PRAG1: variants seen among roughly 807,000 people sequenced by gnomAD.
PRAG1 encodes the protein PEAK1 related, kinase-activating pseudokinase 1, also known as inactive tyrosine-protein kinase PRAG1.
Under a neutral mutation model 95.6 loss-of-function variants are expected in PRAG1, and 110 were observed. The observed-to-expected ratio is 1.15, with a 90% confidence interval of 0.99 to 1.35. The LOEUF is 1.35. Among genes scored for constraint, PRAG1 ranks in the 40% most tolerant of loss-of-function variants. The probability of loss-of-function intolerance (pLI) is 0.00; values close to 1 mark genes in which losing one functional copy is unlikely to be tolerated. For missense variants in PRAG1, 2,554 were observed against 1,864.7 expected, an observed-to-expected ratio of 1.37 and a Z score of -6.81; for synonymous variants, 1,052 against 819.4, an observed-to-expected ratio of 1.28 and a Z score of -4.85.
chr8:8,329,652 G>A (rs1472344248), intron 4 of PRAG1, among the ~76,000 whole-genome samples: 1 of 152,158 alleles, frequency 6.6e-6, no homozygotes, highest in Non-Finnish European at 1.5e-5. Flanking sequence ...ACATTTCTAG[G>A]GCTGCTCCTG....
At chr8:8,326,279 G>A (rs1313377637) in intron 5 of PRAG1, among the ~76,000 whole-genome samples, 1 of 148,656 alleles carries the variant, frequency 6.7e-6, no homozygotes, top group African/African-American at 2.5e-5. Flanking sequence ...CTTAAATATT[G>A]TTTAATATTA....
chr8:8,378,713 T>G (rs1442226597), intron 2 of PRAG1, among the ~76,000 whole-genome samples: 23 of 151,838 alleles, frequency 1.5e-4, no homozygotes. Context: ...ATACAAAAAC[T>G]TGGTGGGCGT....
intron 3 of PRAG1, among the ~76,000 whole-genome samples, chr8:8,370,685 G>C (rs903300958): frequency 1.3e-5 from 2 of 152,114 alleles, no homozygotes; most frequent in African/African-American, 2.4e-5. Flanking sequence ...CTCATCCTAT[G>C]CCCATCCTCC....
At chr8:8,349,354 C>T (rs1799446447) in intron 3 of PRAG1, among the ~76,000 whole-genome samples, 1 of 152,052 alleles carries the variant, frequency 6.6e-6, no homozygotes. Context: ...CATCTCGCCT[C>T]ACTGCAAGAT....
intron 5 of PRAG1, among the ~76,000 whole-genome samples, chr8:8,322,284 G>A (rs559934272): frequency 3.9e-5 from 6 of 152,200 alleles, no homozygotes; most frequent in African/African-American, 7.2e-5. Context: ...GGGTTCAAGC[G>A]ATTCTTCTGC....
In PRAG1 at chr8:8,377,502, G is replaced by A. The variant is rs200294749; in HGVS notation, c.907C>T (p.Arg303Trp). 1.1e-3 allele frequency: 1,751 copies of A among 1,556,810 alleles called. 28 individuals are homozygous for A. The South Asian group carries it at 0.02, about 18-fold the overall frequency. The part of the protein sequence containing the change: ...KCSGPAEQEK[R>W]GPSFPKECCS... The stretch of plus-strand genomic sequence containing the variant: ...CACTCCTTGGGGAAGCTCGGGCCCC[G>A]CTTCTCCTGCTCTGCGGGCCCGGAA... The change falls in exon 3 of 6, where the codon CGG becomes TGG. Residue 303 changes from arginine to tryptophan, a missense_variant. Transcript: ENST00000615670.
intron 4 of PRAG1, among the ~76,000 whole-genome samples, chr8:8,335,364 C>G (rs1388452614): frequency 2.6e-5 from 4 of 152,032 alleles, no homozygotes; most frequent in South Asian, 2.1e-4. Flanking sequence ...CCTAGGGGTT[C>G]TCATTTGAAA....
At chr8:8,379,277 G>A (rs1021691828) in intron 2 of PRAG1, among the ~76,000 whole-genome samples, 2 of 152,182 alleles carry the variant, frequency 1.3e-5, no homozygotes, top group Non-Finnish European at 2.9e-5. Flanking sequence ...GGTTGGACTC[G>A]TTGGGCTATG....
chr8:8,333,555 T>G (rs2979220), intron 4 of PRAG1, among the ~76,000 whole-genome samples: 46,162 of 152,132 alleles, frequency 0.3, 9,120 homozygotes, highest in African/African-American at 0.56. Flanking sequence ...ATGCAGGCCA[T>G]AAGTTCAAAC....
chr8:8,382,650 C>G (rs999707592), intron 1 of PRAG1, among the ~76,000 whole-genome samples: 2 of 152,156 alleles, frequency 1.3e-5, no homozygotes, highest in Non-Finnish European at 2.9e-5. Context: ...AGGCAATTGG[C>G]TTGCTCAAAA....
Position 8,319,150 on chromosome 8 carries a change from G to T in PRAG1, c.3225C>A (p.Ala1075=). The change falls in exon 6 of 6, where the codon GCC becomes GCA. Residue 1075 remains alanine (A), a synonymous_variant. Transcript: ENST00000615670. ...SPDAPKDPVP[A]LPTHPPAQEQ... is the part of the protein sequence containing the mutation. ...CCTGGGCAGGGGGGTGTGTGGGCAG[G>T]GCAGGCACAGGGTCCTTGGGCGCGT... 1 of 1,605,788 alleles carries T rather than the reference G, an allele frequency of 6.2e-7. No individual in the cohort carries two copies. Among genetic ancestry groups the T allele is most frequent in the South Asian group, 1.1e-5 (1 of 90,506 alleles).
intron 4 of PRAG1, among the ~76,000 whole-genome samples, chr8:8,332,630 C>A (rs745826603): frequency 6.7e-6 from 1 of 150,270 alleles, no homozygotes; most frequent in South Asian, 2.1e-4. Context: ...CCCACCCCCA[C>A]CCCACCACCT....
At chr8:8,364,615 C>T (rs551812414) in intron 3 of PRAG1, among the ~76,000 whole-genome samples, 57 of 150,936 alleles carry the variant, frequency 3.8e-4, no homozygotes, top group Non-Finnish European at 6.3e-4. Flanking sequence ...ATTCCATCTG[C>T]AGTCCACTTT....
Position 8,376,316 on chromosome 8 carries a change from G to T in PRAG1, c.2093C>A (p.Ala698Asp). ...GTGMSKSASFAFEFPKDRSGI... is the reference protein window; with the variant it reads ...GTGMSKSASFDFEFPKDRSGI... The stretch of plus-strand genomic sequence containing the variant: ...ACTTCTGTCCTTGGGGAACTCAAAG[G>T]CAAAAGAGGCGGATTTGCTCATCCC... Residue 698 changes from alanine to aspartate, a missense_variant, in exon 3 of 6, where the codon GCC becomes GAC. Coordinates refer to ENST00000615670, the MANE Select transcript of PRAG1 (RefSeq NM_001080826.3). 1 of 1,614,188 alleles carries T rather than the reference G, an allele frequency of 6.2e-7. No homozygotes were observed. The highest frequency in any genetic ancestry group is 8.5e-7 in the Non-Finnish European group (1 of 1,180,044).
intron 3 of PRAG1, among the ~76,000 whole-genome samples, chr8:8,359,260 G>A (rs1319118631): frequency 6.6e-6 from 1 of 152,120 alleles, no homozygotes; most frequent in Non-Finnish European, 1.5e-5. Context: ...TTTCTAAAAG[G>A]AGAATTTTTT....
Position 8,319,222 on chromosome 8 carries a change from G to A in PRAG1, c.3153C>T (p.Cys1051=), listed in dbSNP as rs574913626. 4 of 1,576,348 alleles carry A rather than the reference G, an allele frequency of 2.5e-6. No homozygotes were observed. Among genetic ancestry groups the A allele is most frequent in the South Asian group, 2.3e-5 (2 of 85,876 alleles). The change falls in exon 6 of 6, where the codon TGC becomes TGT. Residue 1051 remains cysteine, a synonymous_variant. Coordinates refer to ENST00000615670, the MANE Select transcript of PRAG1 (RefSeq NM_001080826.3). ...ACGGCACCGAGGCGACGAAGTGGCCGCAGTCCTGCTGGATGTTAAAGTGCA... is the reference window on the plus strand; with the variant it reads ...ACGGCACCGAGGCGACGAAGTGGCCACAGTCCTGCTGGATGTTAAAGTGCA... The part of the protein sequence containing the change: ...VPVHFNIQQD[C]GHFVASVPSS...
intron 4 of PRAG1, among the ~76,000 whole-genome samples, chr8:8,338,811 G>A (rs1176930206): frequency 2.6e-5 from 4 of 152,186 alleles, no homozygotes; most frequent in African/African-American, 4.8e-5. Context: ...ACATGCTAAC[G>A]CAAGTCTAAG....
Position 8,319,030 on chromosome 8 carries a change from G to A in PRAG1, c.3345C>T (p.Pro1115=), listed in dbSNP as rs1182814890. 1 of 1,613,258 alleles carries A rather than the reference G, an allele frequency of 6.2e-7. No homozygotes were observed. The highest frequency in any genetic ancestry group is 1.1e-5 in the South Asian group (1 of 91,070). ...RDSAASHQAE[P]EAYERRVCFL... is the part of the protein sequence containing the mutation. ...AGCACACGCGCCGCTCGTACGCCTC[G>A]GGCTCCGCCTGGTGGCTGGCCGCCG... Residue 1115 remains proline, a synonymous_variant, in exon 6 of 6, where the codon CCC becomes CCT. Transcript: ENST00000615670.
At chr8:8,358,640 C>A (rs1000207672) in intron 3 of PRAG1, among the ~76,000 whole-genome samples, 1 of 152,204 alleles carries the variant, frequency 6.6e-6, no homozygotes, top group Non-Finnish European at 1.5e-5. Context: ...AATCAGCATT[C>A]AGACAAAAAG....
Sources: gnomAD v4.1 joint callset for allele counts (sites outside exome capture counted in the v4.1 genomes callset) on GRCh38, gnomAD v4.1.1 for gene constraint, MANE v1.5 for transcripts, NCBI Gene and HGNC (gene_info 2026-07-23, HGNC 2026-07-21) for gene names.